PCDHGB3: variants seen among roughly 807,000 people sequenced by gnomAD.
PCDHGB3 encodes protocadherin gamma-B3.
PCDHGB3 carries 40 observed loss-of-function variants against 59.2 expected under a neutral mutation model. The ratio of observed to expected loss-of-function variants is 0.68; its 90% confidence interval spans 0.52 to 0.88. The LOEUF is 0.88. Among genes scored for constraint, PCDHGB3 ranks in the 40% least tolerant of loss-of-function variants. The pLI, the probability that PCDHGB3 is intolerant of heterozygous loss-of-function variation, is 0.00. For missense variants in PCDHGB3, 1,309 were observed against 1,187.9 expected, an observed-to-expected ratio of 1.10 and a Z score of -1.50; for synonymous variants, 581 against 503.6, an observed-to-expected ratio of 1.15 and a Z score of -2.06.
chr5:141,434,820 G>A (rs953824837), intron 1 of PCDHGB3, among the ~76,000 whole-genome samples: 1 of 151,302 alleles, frequency 6.6e-6, no homozygotes, highest in Admixed American at 6.6e-5. Flanking sequence ...ATATCCCTTA[G>A]TACACTTGGC....
intron 2 of PCDHGB3, among the ~76,000 whole-genome samples, chr5:141,499,115 C>G (rs940275925): frequency 6.6e-6 from 1 of 152,124 alleles, no homozygotes; most frequent in Non-Finnish European, 1.5e-5. Flanking sequence ...CACCACTATC[C>G]CTTCTCAGGT....
rs768635851 is a variant in PCDHGB3 at position 141,489,334 on chromosome 5, C to G, written c.2416-5473C>G. 2 of 1,606,614 alleles carry G rather than the reference C, an allele frequency of 1.2e-6. No individual in the cohort carries two copies. Among genetic ancestry groups the G allele is most frequent in the Non-Finnish European group, 1.7e-6 (2 of 1,175,584 alleles). On this transcript the variant is annotated intron_variant, in intron 1 of 3. Coordinates refer to ENST00000576222, the MANE Select transcript of PCDHGB3 (RefSeq NM_018924.5). The surrounding 1 kb of genome is among the most constrained non-coding windows in gnomAD (Gnocchi z 4.5). Reference sequence around the variant, plus strand: ...CTGGGGCTGGGTGTCTGGGCAGCTTCGTTACTCAGTGGTGGAGGAGTCTGA... The same window carrying G: ...CTGGGGCTGGGTGTCTGGGCAGCTTGGTTACTCAGTGGTGGAGGAGTCTGA...
rs756833632 is a variant in PCDHGB3, at chr5:141,393,904, CA to C, written c.2415+21096del. Reference sequence around the variant, plus strand: ...GTGTTAGAAAATTCTCTTCCCGGGACAGTAATTGCCTTCTTGAGTGTGCATG... The same window carrying C: ...GTGTTAGAAAATTCTCTTCCCGGGACGTAATTGCCTTCTTGAGTGTGCATG... On this transcript the variant is annotated intron_variant, in intron 1 of 3. Transcript: ENST00000576222. The C allele has an allele frequency of 1.9e-6, 3 of 1,613,918 alleles. No individual in the cohort carries two copies. In the East Asian group the frequency reaches 6.7e-5, roughly 36 times the overall value.
At chr5:141,466,201 T>C (rs985163022) in intron 1 of PCDHGB3, among the ~76,000 whole-genome samples, 1 of 152,006 alleles carries the variant, frequency 6.6e-6, no homozygotes, top group African/African-American at 2.4e-5. Context: ...GACACAGCCT[T>C]GCTCTGTTAC....
In PCDHGB3 at chr5:141,431,213, TTCCC is replaced by T. The variant is rs1373533151; in HGVS notation, c.2415+58407_2415+58410del. 1 of 1,614,142 alleles carries T rather than the reference TTCCC, an allele frequency of 6.2e-7. No homozygotes were observed. Among genetic ancestry groups the T allele is most frequent in the Admixed American group, 1.7e-5 (1 of 60,020 alleles). On this transcript the variant is annotated intron_variant, in intron 1 of 3. Transcript: ENST00000576222. This position sits in a 1 kb window ranked among gnomAD's most constrained non-coding sequence, Gnocchi z 4.8. ...TGAAAATGCAGCCACTGAGATGCGGTTCCCTCTACCCCACGCCTGGGATCCGGAT... is the reference window on the plus strand; with the variant it reads ...TGAAAATGCAGCCACTGAGATGCGGTTCTACCCCACGCCTGGGATCCGGAT...
chr5:141,453,204 C>T (rs1345502837), intron 1 of PCDHGB3, among the ~76,000 whole-genome samples: 1 of 152,260 alleles, frequency 6.6e-6, no homozygotes, highest in East Asian at 1.9e-4. Flanking sequence ...GCCTCAACCT[C>T]GTGCACTTAA....
At chr5:141,504,634 AG>A (rs2099839600) in intron 2 of PCDHGB3, among the ~76,000 whole-genome samples, 1 of 115,756 alleles carries the variant, frequency 8.6e-6, no homozygotes, top group Non-Finnish European at 1.7e-5. Context: ...ACCTTGGAAA[AG>A]GTTTGATGAT....
At chr5:141,375,521 GACGTGGACCAGA>G in intron 1 of PCDHGB3, 1 of 1,613,994 alleles carries the variant, frequency 6.2e-7, no homozygotes, top group Non-Finnish European at 8.5e-7. Context: ...ACTGGACCCT[GACGTGGACCAGA>G]ACGCCCAAGT....
Position 141,372,633 on chromosome 5 carries a change from A to G in PCDHGB3, c.2239A>G (p.Thr747Ala). The change falls in exon 1 of 4, where the codon ACT becomes GCT. Residue 747 changes from threonine (T) to alanine (A), a missense_variant. Coordinates refer to ENST00000576222, the MANE Select transcript of PCDHGB3 (RefSeq NM_018924.5). ...PGVLPTYSER[T>A]LPYSYNPCAA... is the part of the protein sequence containing the mutation. ...AGTTCTCCCCACCTACAGCGAAAGG[A>G]CTTTGCCTTATTCCTACAATCCGTG... The G allele has an allele frequency of 6.2e-7, 1 of 1,613,996 alleles. No individual in the cohort carries two copies. Among genetic ancestry groups the G allele is most frequent in the South Asian group, 1.1e-5 (1 of 91,080 alleles).
In PCDHGB3 at chr5:141,371,776, T is replaced by C. The variant is rs1216205837; in HGVS notation, c.1382T>C (p.Val461Ala). 6.2e-7 allele frequency: 1 copy of C among 1,613,882 alleles called. No individual in the cohort carries two copies. Among genetic ancestry groups the C allele is most frequent in the Non-Finnish European group, 8.5e-7 (1 of 1,179,900 alleles). Residue 461 changes from valine (V) to alanine (A), a missense_variant, in exon 1 of 4, where the codon GTA (valine) becomes GCA (alanine). Physicochemically the swap from Val to Ala is moderately conservative, Grantham distance 64 (BLOSUM62 0). Transcript: ENST00000576222. ...CACCAGGCCTCCTACACCGTGCATG[T>C]AGCTGAGAACAATCCGCCTGGAGCC... Reference protein sequence around the residue: ...VFHQASYTVHVAENNPPGASI... With the variant: ...VFHQASYTVHAAENNPPGASI...
rs2099883795 is a variant in PCDHGB3 at position 141,511,444 on chromosome 5, A to C, written c.*271A>C. 3.0e-6 allele frequency: 2 copies of C among 665,362 alleles called. No individual in the cohort carries two copies. The highest frequency in any genetic ancestry group is 3.6e-5 in the African/African-American group (2 of 54,978). 41.2% of individuals were successfully genotyped at this position (665,362 alleles called of 1,614,324 possible). On this transcript the variant is annotated 3_prime_UTR_variant, in exon 4 of 4. Coordinates refer to ENST00000576222, the MANE Select transcript of PCDHGB3 (RefSeq NM_018924.5). ...GGGTAGTGGGGTTACTGTAGACACC[A>C]AGAACCATTTGCCACACCCCGTTTA...
chr5:141,452,449 T>G (rs1482580788), intron 1 of PCDHGB3, among the ~76,000 whole-genome samples: 1 of 152,224 alleles, frequency 6.6e-6, no homozygotes, highest in South Asian at 2.1e-4. Flanking sequence ...TTCTAGGCCT[T>G]GTCAGCAGAC....
At chr5:141,457,318 C>T (rs990268003) in intron 1 of PCDHGB3, among the ~76,000 whole-genome samples, 3 of 152,238 alleles carry the variant, frequency 2.0e-5, no homozygotes, top group South Asian at 2.1e-4. Context: ...AAGAAACCTC[C>T]GGGTTACAGG....
At chr5:141,421,318 C>A (rs370020854) in intron 1 of PCDHGB3, 1 of 1,613,822 alleles carries the variant, frequency 6.2e-7, no homozygotes. Context: ...CCGGGCCAGG[C>A]AGATCCGATA....
chr5:141,487,032 C>T lies in PCDHGB3; in HGVS notation c.2416-7775C>T. 6.2e-7 allele frequency: 1 copy of T among 1,614,210 alleles called. No individual in the cohort carries two copies. The highest frequency in any genetic ancestry group is 1.1e-5 in the South Asian group (1 of 91,084). ...GAGGCCCCAGATCCCAGCCTGTTTG[C>T]AGTCTCTCGATATGCTGGGGAGGTG... On this transcript the variant is annotated intron_variant, in intron 1 of 3. Coordinates refer to ENST00000576222, the MANE Select transcript of PCDHGB3 (RefSeq NM_018924.5). The surrounding 1 kb of genome is among the most constrained non-coding windows in gnomAD (Gnocchi z 5.0).
intron 1 of PCDHGB3, among the ~76,000 whole-genome samples, chr5:141,436,884 G>T (rs1041906146): frequency 6.6e-6 from 1 of 152,190 alleles, no homozygotes; most frequent in Non-Finnish European, 1.5e-5. Context: ...AAAAGATGGG[G>T]GAAAGATTTT....
chr5:141,404,758 T>C, intron 1 of PCDHGB3: 1 of 1,613,742 alleles, frequency 6.2e-7, no homozygotes, highest in Non-Finnish European at 8.5e-7. Flanking sequence ...GCCAGAATGC[T>C]TGGCTCTCCT....
rs761831761 is a variant in PCDHGB3 at position 141,485,471 on chromosome 5, G to A, written c.2416-9336G>A. The A allele has an allele frequency of 4.3e-6, 7 of 1,614,144 alleles. No homozygotes were observed. The Admixed American group carries it at 5.0e-5, about 12-fold the overall frequency. On this transcript the variant is annotated intron_variant, in intron 1 of 3. Transcript: ENST00000576222. This position sits in a 1 kb window ranked among gnomAD's most constrained non-coding sequence, Gnocchi z 5.7. ...CCGAGAGGCACTGTGTGGGCTCAGT[G>A]CCAGCTGCATCGTGCCCCTGGAGTT...
rs755305090 is a variant in PCDHGB3, at chr5:141,372,228, A to C, written c.1834A>C (p.Ser612Arg). 1 of 1,613,414 alleles carries C rather than the reference A, an allele frequency of 6.2e-7. No individual in the cohort carries two copies. The highest frequency in any genetic ancestry group is 8.5e-7 in the Non-Finnish European group (1 of 1,179,848). Residue 612 changes from serine (S) to arginine (R), a missense_variant, in exon 1 of 4, where the codon AGC (serine) becomes CGC (arginine). Coordinates refer to ENST00000576222, the MANE Select transcript of PCDHGB3 (RefSeq NM_018924.5). ...AWLSYHIVQA[S>R]EPGLFSLGLR... ...GCTGTCCTACCACATTGTGCAGGCC[A>C]GCGAGCCCGGGCTGTTCAGCCTGGG...
Sources: gnomAD v4.1 joint callset for allele counts (sites outside exome capture counted in the v4.1 genomes callset) on GRCh38, gnomAD v4.1.1 for gene constraint, Gnocchi (gnomAD v3.1) non-coding constraint, MANE v1.5 for transcripts, NCBI Gene and HGNC (gene_info 2026-07-23, HGNC 2026-07-21) for gene names.